CDH18: variants seen among roughly 807,000 people sequenced by gnomAD.
The protein encoded by CDH18 is cadherin 18.
In CDH18, 31 loss-of-function variants were observed where a neutral mutation model predicts 67.9. The ratio of observed to expected loss-of-function variants is 0.46; its 90% CI spans 0.34 to 0.62. CDH18 has a LOEUF of 0.62. Among genes scored for constraint, CDH18 ranks in the 20% least tolerant of loss-of-function variants. The probability of loss-of-function intolerance (pLI) is 0.01; values close to 1 mark genes in which losing one functional copy is unlikely to be tolerated. For missense variants in CDH18, 890 were observed against 975.5 expected, an observed-to-expected ratio of 0.91 and a Z score of 1.17; for synonymous variants, 362 against 347.2, an observed-to-expected ratio of 1.04 and a Z score of -0.48.
At chr5:19,524,176 T>C (rs1282093584) in intron 9 of CDH18, among the ~76,000 whole-genome samples, 2 of 151,792 alleles carry the variant, frequency 1.3e-5, no homozygotes, top group African/African-American at 2.4e-5. Flanking sequence ...AATTACATTA[T>C]ATATATGTTA....
At chr5:19,874,414 A>G (rs1786701325) in intron 2 of CDH18, among the ~76,000 whole-genome samples, 1 of 151,978 alleles carries the variant, frequency 6.6e-6, no homozygotes. Flanking sequence ...CAACTTTATG[A>G]AACTATAACA....
At chr5:19,548,855 A>G (rs1288171873) in intron 8 of CDH18, among the ~76,000 whole-genome samples, 1 of 151,578 alleles carries the variant, frequency 6.6e-6, no homozygotes, top group African/African-American at 2.4e-5. Flanking sequence ...GGTTCAAACA[A>G]TTCTCTTGCC....
intron 2 of CDH18, among the ~76,000 whole-genome samples, chr5:19,869,488 C>A (rs1347710104): frequency 6.6e-6 from 1 of 151,982 alleles, no homozygotes; most frequent in African/African-American, 2.4e-5. Flanking sequence ...GCATTATATA[C>A]AATGAGTTGG....
chr5:20,179,116 G>A lies in CDH18; in HGVS notation c.-518+76328C>T, dbSNP rs536276606. Among the ~76,000 whole-genome samples, 9 of 152,142 alleles carry A rather than the reference G, an allele frequency of 5.9e-5. No individual in the cohort carries two copies. The East Asian group carries it at 1.6e-3, about 26-fold the overall frequency. On this transcript the variant is annotated intron_variant, in intron 2 of 14. Transcript: ENST00000507958. ...AGGTAAATAATTTATGTACGTTAGA[G>A]GAAAGTGAATTTTTAATTATAGTAA...
intron 2 of CDH18, among the ~76,000 whole-genome samples, chr5:20,177,238 G>A (rs555112375): frequency 8.5e-5 from 13 of 152,138 alleles, no homozygotes; most frequent in South Asian, 2.1e-4. Context: ...TAATACTGAC[G>A]CAATTTTCCT....
At chr5:20,499,661 T>C (rs1050428129) in intron 1 of CDH18, among the ~76,000 whole-genome samples, 1 of 152,168 alleles carries the variant, frequency 6.6e-6, no homozygotes, top group Admixed American at 6.6e-5. Context: ...TTGCAGTAAA[T>C]TTAATAAACT....
intron 2 of CDH18, among the ~76,000 whole-genome samples, chr5:19,859,941 C>G (rs757155323): frequency 6.7e-6 from 1 of 150,342 alleles, no homozygotes; most frequent in Non-Finnish European, 1.5e-5. Flanking sequence ...ACATATCCAT[C>G]ACCTCCTAAG....
At chr5:20,029,877 T>G (rs2150448906) in intron 2 of CDH18, among the ~76,000 whole-genome samples, 1 of 152,280 alleles carries the variant, frequency 6.6e-6, no homozygotes, top group Non-Finnish European at 1.5e-5. Context: ...AAGGCTGAAC[T>G]TAAGGTGTTT....
intron 1 of CDH18, among the ~76,000 whole-genome samples, chr5:20,424,411 T>C (rs1197558191): frequency 5.5e-5 from 5 of 91,138 alleles, no homozygotes; most frequent in African/African-American, 1.6e-4. Context: ...CAGATTATCT[T>C]TTTTTTTTGT....
intron 5 of CDH18, among the ~76,000 whole-genome samples, chr5:19,663,908 T>A (rs1266070753): frequency 6.6e-6 from 1 of 151,700 alleles, no homozygotes; most frequent in Non-Finnish European, 1.5e-5. Context: ...TCCAGTACCA[T>A]AAGTTACACA....
intron 2 of CDH18, among the ~76,000 whole-genome samples, chr5:19,899,399 C>CA (rs57987551): frequency 0.53 from 72,587 of 136,952 alleles, 17,921 homozygotes; most frequent in Middle Eastern, 0.67. Context: ...GACTCCATTT[C>CA]AAAAAAAAAA....
At chr5:20,435,894 C>A (rs1749130679) in intron 1 of CDH18, among the ~76,000 whole-genome samples, 2 of 151,970 alleles carry the variant, frequency 1.3e-5, no homozygotes, top group Admixed American at 6.6e-5. Context: ...CTATTTTAAA[C>A]ATCACAATTA....
intron 5 of CDH18, among the ~76,000 whole-genome samples, chr5:19,654,632 T>C (rs184942270): frequency 6.6e-6 from 1 of 152,284 alleles, no homozygotes; most frequent in African/African-American, 2.4e-5. Context: ...CTGTGCTCTT[T>C]TAGCTTTGCT....
intron 2 of CDH18, among the ~76,000 whole-genome samples, chr5:20,251,512 A>T (rs1580587836): frequency 6.6e-6 from 1 of 152,302 alleles, no homozygotes; most frequent in East Asian, 1.9e-4. Context: ...GTATTTTCAG[A>T]CAAAAAAATT....
At chr5:20,174,322 C>G (rs960809806) in intron 2 of CDH18, among the ~76,000 whole-genome samples, 27 of 152,264 alleles carry the variant, frequency 1.8e-4, no homozygotes, top group African/African-American at 6.3e-4. Context: ...CTCTACTCTA[C>G]TCTCAGCCCT....
intron 1 of CDH18, among the ~76,000 whole-genome samples, chr5:20,523,299 T>C (rs1310486039): frequency 6.6e-6 from 1 of 152,216 alleles, no homozygotes; most frequent in East Asian, 1.9e-4. Context: ...AATTGGTCTG[T>C]AAGCCTGTGA....
At chr5:20,084,001 A>C (rs1473331400) in intron 2 of CDH18, among the ~76,000 whole-genome samples, 1 of 151,844 alleles carries the variant, frequency 6.6e-6, no homozygotes, top group Non-Finnish European at 1.5e-5. Context: ...ATATCCTCAC[A>C]TTTCAAAACC....
At chr5:19,997,305 C>T (rs1483137637) in intron 2 of CDH18, among the ~76,000 whole-genome samples, 1 of 152,074 alleles carries the variant, frequency 6.6e-6, no homozygotes, top group African/African-American at 2.4e-5. Context: ...ACAGAATATT[C>T]TGGATGGCTG....
chr5:20,116,967 G>C (rs1747965140), intron 2 of CDH18, among the ~76,000 whole-genome samples: 1 of 151,868 alleles, frequency 6.6e-6, no homozygotes, highest in African/African-American at 2.4e-5. Context: ...TTTTACCCAT[G>C]CCTAGATTTT....
Sources: gnomAD v4.1 joint callset for allele counts (sites outside exome capture counted in the v4.1 genomes callset) on GRCh38, gnomAD v4.1.1 for gene constraint, MANE v1.5 for transcripts, NCBI Gene and HGNC (gene_info 2026-07-23, HGNC 2026-07-21) for gene names.